Variants in GRIA1 observed in about 807,000 individuals in gnomAD.
GRIA1 encodes the protein glutamate receptor 1.
Under a neutral mutation model 99.2 loss-of-function variants are expected in GRIA1, and 31 were observed. The observed-to-expected ratio is 0.31, with a 90% CI of 0.23 to 0.42. GRIA1 has a LOEUF of 0.42. Ranked by LOEUF, GRIA1 falls within the 10% of genes least tolerant of loss-of-function variation. The probability of loss-of-function intolerance (pLI) is 1.00; values close to 1 mark genes in which losing one functional copy is unlikely to be tolerated. For missense variants in GRIA1, 782 were observed against 1,157.5 expected (o/e 0.68, Z 4.71); for synonymous variants, 438 against 432.4 (o/e 1.01, Z -0.16).
At chr5:153,597,117 G>A (rs764880728) in intron 2 of GRIA1, among the ~76,000 whole-genome samples, 3 of 152,340 alleles carry the variant, frequency 2.0e-5, no homozygotes, top group Middle Eastern at 3.4e-3. Flanking sequence ...TTCACTCTGC[G>A]GGAGACTGAC....
intron 1 of GRIA1, 167 bp downstream of exon 1, chr5:153,491,137 C>T (rs1439405872): frequency 2.5e-5 from 24 of 974,402 alleles, no homozygotes; most frequent in Non-Finnish European, 3.5e-5. Context: ...GAGGAGGGGG[C>T]TTCTCCTGAT....
rs544049204 is a variant in GRIA1 at position 153,621,616 on chromosome 5, C to A, written c.221-25312C>A. On this transcript the variant is annotated intron_variant, in intron 2 of 15. Coordinates refer to ENST00000285900, the MANE Select transcript of GRIA1 (RefSeq NM_000827.4). ...TGAACCCACTCCATGAATCTGGGCA[C>A]ATACTTGGGCCCCCATTAGTTTGTC... 3.9e-4 allele frequency among the ~76,000 whole-genome samples: 60 copies of A among 152,270 alleles called. 1 individual carries two copies. The South Asian group carries it at 0.012, about 31-fold the overall frequency.
At chr5:153,511,948 C>T (rs1486290365) in intron 2 of GRIA1, among the ~76,000 whole-genome samples, 1 of 152,248 alleles carries the variant, frequency 6.6e-6, no homozygotes, top group East Asian at 1.9e-4. Context: ...CTGCAGATGT[C>T]TACCCTGAAA....
chr5:153,777,247 C>T (rs997348481), intron 13 of GRIA1, among the ~76,000 whole-genome samples: 3 of 152,160 alleles, frequency 2.0e-5, no homozygotes, highest in Non-Finnish European at 4.4e-5. Context: ...GTCAGGGAGG[C>T]GATGTGCTAG....
At chr5:153,638,351 A>G (rs1753538269) in intron 2 of GRIA1, among the ~76,000 whole-genome samples, 1 of 152,222 alleles carries the variant, frequency 6.6e-6, no homozygotes. Flanking sequence ...ATTTGTGGAC[A>G]TTTATGGAGC....
rs930528866 is a variant in GRIA1, at chr5:153,812,226, C to G, written c.*1001C>G. On this transcript the variant is annotated 3_prime_UTR_variant, in exon 16 of 16. Transcript: ENST00000285900. ...CTTTGCCTGGCATCTAAGCAGGAAC[C>G]CATTGTGGAGTAGACTCTCTTCTTC... 6.6e-6 allele frequency: 1 copy of G among 151,974 alleles called. No homozygotes were observed. Among genetic ancestry groups the G allele is most frequent in the African/African-American group, 2.4e-5 (1 of 41,382 alleles). 9.4% of individuals were successfully genotyped at this position (151,974 alleles called of 1,614,324 possible). A position where few individuals can be genotyped will look rare whatever the true frequency, so the allele number is the denominator to read the frequency against.
rs369835404 is a variant in GRIA1 at position 153,653,225 on chromosome 5, G to A, written c.646-2594G>A. On this transcript the variant is annotated intron_variant, in intron 4 of 15. Coordinates refer to ENST00000285900, the MANE Select transcript of GRIA1 (RefSeq NM_000827.4). ...GAAGCCTCTAAGAAAGTTCTTAAAT[G>A]TAAGATAAATCTGGATTTCTATAGA... Among the ~76,000 whole-genome samples the A allele has an allele frequency of 1.2e-4, 18 of 152,294 alleles. No homozygotes were observed. The South Asian group carries it at 2.1e-3, about 18-fold the overall frequency.
In GRIA1 at chr5:153,776,059, T is replaced by G. The variant is rs1764230658; in HGVS notation, c.2270+5644T>G. 1.3e-5 allele frequency among the ~76,000 whole-genome samples: 2 copies of G among 152,126 alleles called. 1 individual carries two copies. Among genetic ancestry groups the G allele is most frequent in the South Asian group, 4.1e-4 (2 of 4,822 alleles). On this transcript the variant is annotated intron_variant, in intron 13 of 15. Coordinates refer to ENST00000285900, the MANE Select transcript of GRIA1 (RefSeq NM_000827.4). ...CTATGTCAGTAGGAGCCACTGAAAG[T>G]CATTTACAGGGAGGGACATGATTGG...
intron 11 of GRIA1, among the ~76,000 whole-genome samples, chr5:153,712,140 C>T (rs1249267391): frequency 2.0e-5 from 3 of 152,124 alleles, no homozygotes; most frequent in Non-Finnish European, 4.4e-5. Context: ...TAACCTCCAC[C>T]TCCCGGGTTC....
intron 2 of GRIA1, among the ~76,000 whole-genome samples, chr5:153,583,229 G>A (rs1029726674): frequency 3.9e-5 from 6 of 152,082 alleles, no homozygotes; most frequent in Admixed American, 6.6e-5. Context: ...CTCTGCACCC[G>A]GGTCCCCTGA....
chr5:153,747,856 A>G (rs1158690082), intron 11 of GRIA1, among the ~76,000 whole-genome samples: 1 of 152,188 alleles, frequency 6.6e-6, no homozygotes, highest in African/African-American at 2.4e-5. Context: ...CAGCACAACT[A>G]TCAGTTGTTT....
At chr5:153,563,729 T>C (rs1405475506) in intron 2 of GRIA1, among the ~76,000 whole-genome samples, 1 of 152,194 alleles carries the variant, frequency 6.6e-6, no homozygotes, top group Non-Finnish European at 1.5e-5. Flanking sequence ...AAGAGGTCTG[T>C]TGTCAAATAC....
At chr5:153,777,488 T>C (rs1764333627) in intron 13 of GRIA1, among the ~76,000 whole-genome samples, 1 of 152,076 alleles carries the variant, frequency 6.6e-6, no homozygotes, top group Admixed American at 6.6e-5. Context: ...GAATAATAAT[T>C]TTGTGCAGCT....
At chr5:153,720,723 T>G (rs1213057498) in intron 11 of GRIA1, among the ~76,000 whole-genome samples, 2 of 152,200 alleles carry the variant, frequency 1.3e-5, no homozygotes, top group African/African-American at 4.8e-5. Context: ...TATGTGCCCA[T>G]GGGTAAGTCA....
chr5:153,561,767 CAA>C (rs1427196479), intron 2 of GRIA1, among the ~76,000 whole-genome samples: 1 of 152,006 alleles, frequency 6.6e-6, no homozygotes, highest in Non-Finnish European at 1.5e-5. Context: ...CATTATTTGC[CAA>C]GAGAGAGGTA....
At chr5:153,718,100 C>T (rs935645371) in intron 11 of GRIA1, among the ~76,000 whole-genome samples, 16 of 152,290 alleles carry the variant, frequency 1.1e-4, no homozygotes, top group African/African-American at 3.9e-4. Flanking sequence ...GGGATCTAAA[C>T]CTTGCATTAG....
At chr5:153,521,026 C>A (rs1408561479) in intron 2 of GRIA1, among the ~76,000 whole-genome samples, 1 of 152,118 alleles carries the variant, frequency 6.6e-6, no homozygotes, top group South Asian at 2.1e-4. Flanking sequence ...ATCTTTGAAC[C>A]TATTACTATT....
At chr5:153,532,364 C>G (rs1581186255) in intron 2 of GRIA1, among the ~76,000 whole-genome samples, 3 of 152,156 alleles carry the variant, frequency 2.0e-5, no homozygotes, top group Admixed American at 6.5e-5. Flanking sequence ...TGAATTTCTT[C>G]AGACCTCACA....
chr5:153,640,467 C>T (rs564930211), intron 2 of GRIA1, among the ~76,000 whole-genome samples: 1 of 152,320 alleles, frequency 6.6e-6, no homozygotes, highest in South Asian at 2.1e-4. Flanking sequence ...CTGTGCCATA[C>T]CCTGACCCCA....
Sources: allele counts gnomAD v4.1 joint callset (sites outside exome capture counted in the v4.1 genomes callset), GRCh38; gene constraint gnomAD v4.1.1; transcripts MANE v1.5; gene names NCBI Gene and HGNC (gene_info 2026-07-23, HGNC 2026-07-21).